Variants in RAB21 observed in about 807,000 individuals in gnomAD.
RAB21 encodes ras-related protein Rab-21.
RAB21 carries 13 observed loss-of-function variants against 33.1 expected under a neutral mutation model. The observed-to-expected ratio is 0.39, with a 90% CI of 0.26 to 0.62. The LOEUF (loss-of-function observed/expected upper bound fraction) is 0.62. Ranked by LOEUF, RAB21 falls within the 20% of genes least tolerant of loss-of-function variation. The pLI is 0.48. For synonymous variants in RAB21, 91 were observed against 103.7 expected (o/e 0.88, Z 0.74); for missense variants, 234 against 279.1 (o/e 0.84, Z 1.15).
chr12:71,785,597 C>G lies in RAB21; in HGVS notation c.602C>G (p.Ala201Gly), dbSNP rs1336443373. The change falls in exon 7 of 7, where the codon GCA (alanine) becomes GGA (glycine). Residue 201 changes from alanine to glycine, a missense_variant. Coordinates refer to ENST00000261263, the MANE Select transcript of RAB21 (RefSeq NM_014999.4). Reference sequence around the variant, plus strand: ...AATGGCTCTAGTCAGCCGGGAACTGCAAGGCGAGGTGTACAGATTATTGAT... The same window carrying G: ...AATGGCTCTAGTCAGCCGGGAACTGGAAGGCGAGGTGTACAGATTATTGAT... ...KGNGSSQPGT[A>G]RRGVQIIDDE... The G allele has an allele frequency of 1.9e-6, 3 of 1,614,044 alleles. No individual in the cohort carries two copies. The highest frequency in any genetic ancestry group is 2.5e-6 in the Non-Finnish European group (3 of 1,180,030).
Position 71,797,416 on chromosome 12 carries a change from A to G in RAB21, c.*11743A>G, listed in dbSNP as rs995561014. 1 of 152,118 alleles carries G rather than the reference A, an allele frequency of 6.6e-6. No individual in the cohort carries two copies. Among genetic ancestry groups the G allele is most frequent in the African/African-American group, 2.4e-5 (1 of 41,454 alleles). 9.4% of individuals were successfully genotyped at this position (152,118 alleles called of 1,614,324 possible). ...TAAGACCAAAGGAGAGAAGATACCT[A>G]GGAATAAACAAGTTATATGCGTGAC... is the stretch of plus-strand genomic sequence containing the variant. On this transcript the variant is annotated 3_prime_UTR_variant, in exon 7 of 7. Transcript: ENST00000261263.
Position 71,785,575 on chromosome 12 carries a change from G to A in RAB21, c.580G>A (p.Gly194Ser). 6.2e-7 allele frequency: 1 copy of A among 1,614,164 alleles called. No homozygotes were observed. Among genetic ancestry groups the A allele is most frequent in the Non-Finnish European group, 8.5e-7 (1 of 1,180,022 alleles). Residue 194 changes from glycine to serine, a missense_variant, in exon 7 of 7, where the codon GGC becomes AGC. By Grantham distance (56) the Gly-to-Ser change is moderately conservative (BLOSUM62 0). Coordinates refer to ENST00000261263, the MANE Select transcript of RAB21 (RefSeq NM_014999.4). ...AQVDERAKGN[G>S]SSQPGTARRG... ...AGTGGATGAGAGAGCAAAAGGCAAT[G>A]GCTCTAGTCAGCCGGGAACTGCAAG... is the stretch of plus-strand genomic sequence containing the variant.
chr12:71,755,968 G>A (rs1882779912), intron 1 of RAB21, among the ~76,000 whole-genome samples: 1 of 152,204 alleles, frequency 6.6e-6, no homozygotes, highest in South Asian at 2.1e-4. Flanking sequence ...TTCTTTACCT[G>A]TAAAATAAAA....
At chr12:71,766,967 A>G (rs988336219) in intron 1 of RAB21, among the ~76,000 whole-genome samples, 1 of 152,198 alleles carries the variant, frequency 6.6e-6, no homozygotes, top group African/African-American at 2.4e-5. Flanking sequence ...GGGCTCCCCA[A>G]CTTTTATAAA....
chr12:71,770,671 A>G lies in RAB21; in HGVS notation c.299A>G (p.Asp100Gly), dbSNP rs1883029465. The G allele has an allele frequency of 6.3e-7, 1 of 1,597,264 alleles. No individual in the cohort carries two copies. The highest frequency in any genetic ancestry group is 1.3e-5 in the African/African-American group (1 of 74,474). ...TCAAATGGAGCGATTTTAGTTTATG[A>G]CATAACAGATGAAGATTCTTTTCAG... Reference protein sequence around the residue: ...RDSNGAILVYDITDEDSFQKV... With the variant: ...RDSNGAILVYGITDEDSFQKV... Residue 100 changes from aspartate to glycine, a missense_variant, in exon 3 of 7, where the codon GAC becomes GGC. Physicochemically the swap from Asp to Gly is moderately conservative, Grantham distance 94. Coordinates refer to ENST00000261263, the MANE Select transcript of RAB21 (RefSeq NM_014999.4).
intron 1 of RAB21, among the ~76,000 whole-genome samples, chr12:71,757,564 AATTAT>A (rs758943573): frequency 4.6e-5 from 7 of 152,216 alleles, no homozygotes; most frequent in African/African-American, 1.4e-4. Flanking sequence ...TTAATATCTG[AATTAT>A]ATTATAGAAT....
intron 5 of RAB21, 181 bp from the exon 6 acceptor site, chr12:71,782,389 G>A (rs1883214574): frequency 5.7e-6 from 3 of 522,734 alleles, no homozygotes; most frequent in African/African-American, 3.9e-5. Flanking sequence ...TTCGAGGCTT[G>A]TTATATTTGT....
chr12:71,782,600 T>C lies in RAB21; in HGVS notation c.477T>C (p.Tyr159=), dbSNP rs1249672359. ...CAGAATCTGTGGGAGCAAAACATTA[T>C]CATACTTCAGCCAAACAGAACAAAG... ...SYAESVGAKH[Y]HTSAKQNKGI... Residue 159 remains tyrosine (Y), a synonymous_variant, in exon 6 of 7, where the codon TAT becomes TAC. Coordinates refer to ENST00000261263, the MANE Select transcript of RAB21 (RefSeq NM_014999.4). 6.2e-7 allele frequency: 1 copy of C among 1,603,288 alleles called. No individual in the cohort carries two copies. Among genetic ancestry groups the C allele is most frequent in the African/African-American group, 1.3e-5 (1 of 74,514 alleles).
intron 5 of RAB21, 46 bp from the exon 6 acceptor site, chr12:71,782,524 C>A: frequency 7.4e-7 from 1 of 1,343,082 alleles, no homozygotes; most frequent in Non-Finnish European, 1.0e-6. Flanking sequence ...AAGACAAAAT[C>A]ATGAATAATA....
At chr12:71,771,712 G>A (rs1250761021) in intron 3 of RAB21, among the ~76,000 whole-genome samples, 1 of 152,112 alleles carries the variant, frequency 6.6e-6, no homozygotes, top group Non-Finnish European at 1.5e-5. Context: ...AGTGGCTCAC[G>A]CCTGTAATCC....
At chr12:71,763,994 T>C (rs1299422715) in intron 1 of RAB21, among the ~76,000 whole-genome samples, 1 of 152,168 alleles carries the variant, frequency 6.6e-6, no homozygotes, top group South Asian at 2.1e-4. Flanking sequence ...AGGATAAATA[T>C]CTACTTCACA....
At chr12:71,757,410 A>T (rs912153406) in intron 1 of RAB21, among the ~76,000 whole-genome samples, 1 of 152,194 alleles carries the variant, frequency 6.6e-6, no homozygotes, top group Non-Finnish European at 1.5e-5. Flanking sequence ...GCACCTGGCC[A>T]TACCCTTTCA....
intron 1 of RAB21, among the ~76,000 whole-genome samples, chr12:71,769,201 G>A (rs1451527435): frequency 6.6e-6 from 1 of 152,186 alleles, no homozygotes; most frequent in Non-Finnish European, 1.5e-5. Flanking sequence ...TCCTTTCTCA[G>A]TACTATCTTT....
At position 71,787,381 on chromosome 12, in the gene RAB21, T is replaced by A. The variant is rs1883310972; in HGVS notation, c.*1708T>A. Reference sequence around the variant, plus strand: ...ATTGTTCTTGTTCTAATATATATATTTTTTCATTTCTGTCGTGCTTGGAAA... The same window carrying A: ...ATTGTTCTTGTTCTAATATATATATATTTTCATTTCTGTCGTGCTTGGAAA... On this transcript the variant is annotated 3_prime_UTR_variant, in exon 7 of 7. Transcript: ENST00000261263. 1 of 152,168 alleles carries A rather than the reference T, an allele frequency of 6.6e-6. No homozygotes were observed. The highest frequency in any genetic ancestry group is 1.9e-4 in the East Asian group (1 of 5,202). 9.4% of individuals were successfully genotyped at this position (152,168 alleles called of 1,614,324 possible).
At chr12:71,784,695 T>TGTTTTGATTAGTGTAGCTTTATACTA (rs1883257532) in intron 6 of RAB21, among the ~76,000 whole-genome samples, 1 of 152,224 alleles carries the variant, frequency 6.6e-6, no homozygotes, top group Admixed American at 6.5e-5. Flanking sequence ...ATTGTCTCAC[T>TGTTTTGATTAGTGTAGCTTTATACTA]GTTTTGATTA....
At chr12:71,783,806 C>G (rs1454532209) in intron 6 of RAB21, among the ~76,000 whole-genome samples, 5 of 152,076 alleles carry the variant, frequency 3.3e-5, no homozygotes, top group African/African-American at 1.2e-4. Context: ...TACAAGCACC[C>G]AAGTGGTGGT....
Position 71,790,545 on chromosome 12 carries a change from G to T in RAB21, c.*4872G>T, listed in dbSNP as rs916059848. 1 of 152,076 alleles carries T rather than the reference G, an allele frequency of 6.6e-6. No individual in the cohort carries two copies. Among genetic ancestry groups the T allele is most frequent in the Non-Finnish European group, 1.5e-5 (1 of 68,004 alleles). 9.4% of individuals were successfully genotyped at this position (152,076 alleles called of 1,614,324 possible). A position where few individuals can be genotyped will look rare whatever the true frequency, so the allele number is the denominator to read the frequency against. On this transcript the variant is annotated 3_prime_UTR_variant, in exon 7 of 7. Coordinates refer to ENST00000261263, the MANE Select transcript of RAB21 (RefSeq NM_014999.4). The stretch of plus-strand genomic sequence containing the variant: ...TAGAAATATGAAAGTTCCTCATTTT[G>T]TATTTAATTATGTAAGAAAATGTTC...
rs1883367691 is a variant in RAB21 at position 71,790,669 on chromosome 12, T to C, written c.*4996T>C. ...CTCTAGTATATACTCCTCAAATATC[T>C]TTTTGCTATGTATTAATATATCTAT... On this transcript the variant is annotated 3_prime_UTR_variant, in exon 7 of 7. Transcript: ENST00000261263. The C allele has an allele frequency of 6.6e-6, 1 of 152,136 alleles. No individual in the cohort carries two copies. Among genetic ancestry groups the C allele is most frequent in the African/African-American group, 2.4e-5 (1 of 41,446 alleles). The allele number at this position is 152,136 out of a possible 1,614,324, so 9.4% of individuals were successfully genotyped here. A position where few individuals can be genotyped will look rare whatever the true frequency, so the allele number is the denominator to read the frequency against.
At chr12:71,785,443 A>G in intron 6 of RAB21, 88 bp from the exon 7 acceptor site, 2 of 1,437,950 alleles carry the variant, frequency 1.4e-6, no homozygotes, top group Admixed American at 4.3e-5. Context: ...AAAGTCAGAA[A>G]TAGCTATCAT....
Sources: allele counts gnomAD v4.1 joint callset (sites outside exome capture counted in the v4.1 genomes callset), GRCh38; gene constraint gnomAD v4.1.1; transcripts MANE v1.5; gene names NCBI Gene and HGNC (gene_info 2026-07-23, HGNC 2026-07-21).